KERA: variants seen among roughly 807,000 people sequenced by gnomAD.
KERA encodes the protein keratocan.
Under a neutral mutation model 26.4 loss-of-function variants are expected in KERA, and 25 were observed. That is an observed-to-expected ratio of 0.95 (90% CI 0.69 to 1.32). KERA has a LOEUF of 1.32. KERA is among the 40% of genes most tolerant of loss of function. The pLI is 0.00. For missense variants in KERA, 434 were observed against 408.9 expected, an observed-to-expected ratio of 1.06 and a Z score of -0.53; for synonymous variants, 167 against 146.1, an observed-to-expected ratio of 1.14 and a Z score of -1.03.
chr12:91,054,390 G>A (rs1592647376), intron 2 of KERA, among the ~76,000 whole-genome samples: 1 of 151,238 alleles, frequency 6.6e-6, no homozygotes, highest in African/African-American at 2.4e-5. Flanking sequence ...ATTTTCTTAG[G>A]TTGTCCTGGA....
chr12:91,053,835 C>A (rs1026190545), intron 2 of KERA, among the ~76,000 whole-genome samples: 1 of 151,328 alleles, frequency 6.6e-6, no homozygotes, highest in African/African-American at 2.4e-5. Context: ...CACAAATGCT[C>A]AGGATGAAAT....
intron 2 of KERA, 79 bp from the exon 3 acceptor site, chr12:91,051,597 A>G (rs1878869972): frequency 1.0e-6 from 1 of 999,334 alleles, no homozygotes; most frequent in South Asian, 1.3e-5. Context: ...AACTAATGCC[A>G]TGGTCCTATG....
At position 91,055,458 on chromosome 12, in the gene KERA, G is replaced by C. The variant is rs1444643408; in HGVS notation, c.824C>G (p.Thr275Arg). ...LDLQLSHNQL[T>R]KVPRISAHLQ... is the part of the protein sequence containing the mutation. ...ATGAGCACTGATTCGGGGAACCTTT[G>C]TGAGTTGATTGTGCGACAGTTGAAG... is the stretch of plus-strand genomic sequence containing the variant. Residue 275 changes from threonine (T) to arginine (R), a missense_variant, in exon 2 of 3, where the codon ACA becomes AGA. By Grantham distance (71) the Thr-to-Arg change is moderately conservative. Coordinates refer to ENST00000266719, the MANE Select transcript of KERA (RefSeq NM_007035.4). 6.2e-7 allele frequency: 1 copy of C among 1,610,374 alleles called. No homozygotes were observed. The highest frequency in any genetic ancestry group is 1.1e-5 in the South Asian group (1 of 90,922).
In KERA at chr12:91,056,083, G is replaced by T. The variant is rs777653993; in HGVS notation, c.199C>A (p.Pro67Thr). Residue 67 changes from proline to threonine, a missense_variant, in exon 2 of 3, where the codon CCT (proline) becomes ACT (threonine). Transcript: ENST00000266719. Reference protein sequence around the residue: ...YCENRGLKEIPAIPSRIWYLY... With the variant: ...YCENRGLKEITAIPSRIWYLY... Reference sequence around the variant, plus strand: ...TACCAAATTCTTGAAGGAATAGCAGGAATTTCTTTGAGACCTCTATTTTCA... The same window carrying T: ...TACCAAATTCTTGAAGGAATAGCAGTAATTTCTTTGAGACCTCTATTTTCA... The T allele has an allele frequency of 1.2e-6, 2 of 1,608,640 alleles. No homozygotes were observed. Among genetic ancestry groups the T allele is most frequent in the Non-Finnish European group, 1.7e-6 (2 of 1,177,532 alleles).
intron 2 of KERA, 39 bp from the exon 3 acceptor site, chr12:91,051,557 C>G (rs1188050285): frequency 1.3e-6 from 2 of 1,490,744 alleles, no homozygotes; most frequent in Non-Finnish European, 9.4e-7. Context: ...AATTGGAACA[C>G]AAGAGAAACT....
chr12:91,056,643 T>C (rs1388387208), intron 1 of KERA, among the ~76,000 whole-genome samples: 2 of 151,214 alleles, frequency 1.3e-5, no homozygotes, highest in Non-Finnish European at 3.0e-5. Context: ...TACAAAAAAG[T>C]GATCTTTTAA....
chr12:91,052,168 C>T (rs1265926011), intron 2 of KERA, among the ~76,000 whole-genome samples: 1 of 151,470 alleles, frequency 6.6e-6, no homozygotes, highest in Non-Finnish European at 1.5e-5. Context: ...ACAAAGAACT[C>T]AAGCCAGAAA....
rs1878991565 is a variant in KERA at position 91,055,969 on chromosome 12, T to C, written c.313A>G (p.Asn105Asp). The change falls in exon 2 of 3, where the codon AAC becomes GAC. Residue 105 changes from asparagine to aspartate, a missense_variant. Asn to Asp is a conservative substitution (Grantham distance 23, BLOSUM62 1). Transcript: ENST00000266719. ...TCAATTCCGTAGTTGGTTATTTTGT[T>C]CTTGTTTAGATTTATCCATCTTAGC... ...TQLRWINLNK[N>D]KITNYGIEKG... The C allele has an allele frequency of 6.2e-7, 1 of 1,611,008 alleles. No homozygotes were observed. The highest frequency in any genetic ancestry group is 1.3e-5 in the African/African-American group (1 of 74,620).
Position 91,050,587 on chromosome 12 carries a change from A to T in KERA, c.*759T>A, listed in dbSNP as rs11105951. 1.3e-5 allele frequency: 2 copies of T among 151,948 alleles called. No homozygotes were observed. The highest frequency in any genetic ancestry group is 4.8e-5 in the African/African-American group (2 of 41,332). 9.4% of individuals were successfully genotyped at this position (151,948 alleles called of 1,614,324 possible). A position where few individuals can be genotyped will look rare whatever the true frequency, so the allele number is the denominator to read the frequency against. On this transcript the variant is annotated 3_prime_UTR_variant, in exon 3 of 3. Coordinates refer to ENST00000266719, the MANE Select transcript of KERA (RefSeq NM_007035.4). ...TCAATATTTTTATTTAGAAAATCCA[A>T]AAAACACAATCAAATATAAAGAACA...
Position 91,056,035 on chromosome 12 carries a change from T to C in KERA, c.247A>G (p.Ile83Val), listed in dbSNP as rs1416905205. Residue 83 changes from isoleucine (I) to valine (V), a missense_variant, in exon 2 of 3, where the codon ATA becomes GTA. Coordinates refer to ENST00000266719, the MANE Select transcript of KERA (RefSeq NM_007035.4). ...AATGGCTTTTCAGGAATGGTTTCTA[T>C]CAGGTTGTTTTGAAGATAAAGATAC... ...IWYLYLQNNL[I>V]ETIPEKPFEN... 6.2e-7 allele frequency: 1 copy of C among 1,609,482 alleles called. No individual in the cohort carries two copies. Among genetic ancestry groups the C allele is most frequent in the Non-Finnish European group, 8.5e-7 (1 of 1,177,812 alleles).
In KERA at chr12:91,055,515, G is replaced by T. The variant is rs755988989; in HGVS notation, c.767C>A (p.Ser256Ter). The T allele has an allele frequency of 6.2e-6, 10 of 1,610,026 alleles. No homozygotes were observed. Among genetic ancestry groups the T allele is most frequent in the Non-Finnish European group, 8.5e-6 (10 of 1,177,548 alleles). The change falls in exon 2 of 3, where the codon TCA becomes TAA. Residue 256 changes from serine to a stop codon, truncating the protein, a stop_gained. Transcript: ENST00000266719. LOFTEE classifies it high-confidence loss of function. ...HNKLSDEGLPSRGFDVSSILD... is the reference protein window; with the variant it reads ...HNKLSDEGLP ...AATTGATGATACATCAAATCCTCTT[G>T]ATGGGAGACCCTCATCTGACAGTTT...
At chr12:91,054,776 T>C (rs2120959410) in intron 2 of KERA, among the ~76,000 whole-genome samples, 1 of 151,396 alleles carries the variant, frequency 6.6e-6, no homozygotes, top group Admixed American at 6.6e-5. Flanking sequence ...ATAGTAGTGG[T>C]TCTCAATGTG....
intron 2 of KERA, among the ~76,000 whole-genome samples, chr12:91,054,396 C>T (rs1364809992): frequency 6.6e-6 from 1 of 151,272 alleles, no homozygotes; most frequent in East Asian, 1.9e-4. Context: ...TTAGGTTGTC[C>T]TGGAGAAATC....
chr12:91,057,656 T>C (rs1879049626), intron 1 of KERA, 88 bp downstream of exon 1: 1 of 150,788 alleles, frequency 6.6e-6, no homozygotes, highest in African/African-American at 2.4e-5. Context: ...GGTTTTGGTT[T>C]AGTTATTGAA....
intron 2 of KERA, among the ~76,000 whole-genome samples, chr12:91,052,678 C>A (rs139883432): frequency 3.3e-5 from 5 of 151,572 alleles, no homozygotes; most frequent in African/African-American, 1.2e-4. Context: ...CATACCTGGG[C>A]ATTTTGTGGG....
At chr12:91,057,593 C>A (rs78125444) in intron 1 of KERA, among the ~76,000 whole-genome samples, 151 bp downstream of exon 1, 3,420 of 148,142 alleles carry the variant, frequency 0.023, 132 homozygotes, top group African/African-American at 0.079. Context: ...GAACGCTGCT[C>A]TGGCCATGTT....
intron 2 of KERA, among the ~76,000 whole-genome samples, chr12:91,055,195 G>T (rs1878961100): frequency 6.6e-6 from 1 of 151,034 alleles, no homozygotes; most frequent in Non-Finnish European, 1.5e-5. Context: ...TTAGTCTTCA[G>T]TTTGAAGATT....
intron 2 of KERA, among the ~76,000 whole-genome samples, chr12:91,054,528 C>T (rs1878941972): frequency 6.6e-6 from 1 of 151,268 alleles, no homozygotes; most frequent in Non-Finnish European, 1.5e-5. Context: ...TAGTCTCATG[C>T]ATAATTGTGA....
At position 91,056,180 on chromosome 12, in the gene KERA, A is replaced by G. The variant is rs370775164; in HGVS notation, c.102T>C (p.Asp34=). Residue 34 remains aspartate, a synonymous_variant, in exon 2 of 3, where the codon GAT becomes GAC. Coordinates refer to ENST00000266719, the MANE Select transcript of KERA (RefSeq NM_007035.4). Reference sequence around the variant, plus strand: ...GACACTCGAAGTCATGAATAGTCCAATCATCTGAATCATGTACTTCATAGA... The same window carrying G: ...GACACTCGAAGTCATGAATAGTCCAGTCATCTGAATCATGTACTTCATAGA... The part of the protein sequence containing the change: ...RQVYEVHDSD[D]WTIHDFECPM... 1.1e-5 allele frequency: 18 copies of G among 1,610,142 alleles called. No individual in the cohort carries two copies. Among genetic ancestry groups the G allele is most frequent in the Admixed American group, 5.0e-5 (3 of 59,646 alleles).
Sources: gnomAD v4.1 joint callset for allele counts (sites outside exome capture counted in the v4.1 genomes callset) on GRCh38, gnomAD v4.1.1 for gene constraint, MANE v1.5 for transcripts, NCBI Gene and HGNC (gene_info 2026-07-23, HGNC 2026-07-21) for gene names.